The following SV2C variants were observed in gnomAD, a reference collection of about 807,000 sequenced individuals.
SV2C encodes the protein solute carrier family 22 member B3.
A neutral mutation model predicts 79.7 loss-of-function variants in SV2C; 49 were observed. That is an observed-to-expected ratio of 0.61 (90% CI 0.49 to 0.78). The LOEUF is 0.78. Ranked by LOEUF, SV2C falls within the 30% of genes least tolerant of loss-of-function variation. The pLI is 0.00. For missense variants in SV2C, 833 were observed against 912.9 expected (o/e 0.91, Z 1.13); for synonymous variants, 334 against 333.2 (o/e 1.00, Z -0.03).
chr5:76,334,369 T>A (rs1749270547), downstream of SV2C, among the ~76,000 whole-genome samples: 1 of 152,182 alleles, frequency 6.6e-6, no homozygotes, highest in South Asian at 2.1e-4. Context: ...TGCCACATAT[T>A]TGCTATCCCC....
At chr5:76,257,552 G>T (rs750772837) in intron 4 of SV2C, among the ~76,000 whole-genome samples, 6 of 150,956 alleles carry the variant, frequency 4.0e-5, no homozygotes, top group Admixed American at 6.6e-5. Context: ...TGAGTCTGTG[G>T]TTTGTGTATG....
chr5:76,064,257 G>A, the SV2C span, among the ~76,000 whole-genome samples: 1 of 152,150 alleles, frequency 6.6e-6, no homozygotes, highest in East Asian at 1.9e-4. Flanking sequence ...CAGATCTCCA[G>A]ATCCAGATTC....
At chr5:76,351,374 G>A (rs1180171740) in intron 12 of SV2C, among the ~76,000 whole-genome samples, 1 of 152,116 alleles carries the variant, frequency 6.6e-6, no homozygotes, top group African/African-American at 2.4e-5. Flanking sequence ...CTTGAGCCCA[G>A]GTGGTTGAGG....
chr5:75,887,041 T>G, the SV2C span, among the ~76,000 whole-genome samples: 2 of 152,130 alleles, frequency 1.3e-5, no homozygotes, highest in African/African-American at 4.8e-5. Flanking sequence ...GTCCTTCACT[T>G]TATTTTTTTA....
intron 12 of SV2C, among the ~76,000 whole-genome samples, chr5:76,339,547 T>C (rs1749398531): frequency 6.6e-6 from 1 of 152,014 alleles, no homozygotes; most frequent in Admixed American, 6.6e-5. Context: ...ACTCTGTCTC[T>C]ACTAAAAATA....
chr5:76,147,777 T>TA (rs1374159765), intron 2 of SV2C, among the ~76,000 whole-genome samples: 1 of 152,234 alleles, frequency 6.6e-6, no homozygotes, highest in Non-Finnish European at 1.5e-5. Context: ...TTTAGGTAAA[T>TA]AAAGCTTACC....
At chr5:76,345,481 A>G (rs901421950) in intron 12 of SV2C, among the ~76,000 whole-genome samples, 1 of 152,172 alleles carries the variant, frequency 6.6e-6, no homozygotes, top group Non-Finnish European at 1.5e-5. Context: ...AAGTTCTGAC[A>G]TTATCAGGGC....
the SV2C span, among the ~76,000 whole-genome samples, chr5:76,033,008 C>A: frequency 6.6e-6 from 1 of 152,160 alleles, no homozygotes; most frequent in East Asian, 1.9e-4. Context: ...TGATGGTGAG[C>A]ATTTTTTCAT....
intron 4 of SV2C, among the ~76,000 whole-genome samples, chr5:76,226,412 C>T (rs1332376403): frequency 6.6e-6 from 1 of 152,114 alleles, no homozygotes; most frequent in Admixed American, 6.5e-5. Flanking sequence ...TCCAGCCATA[C>T]AGATATTAAA....
intron 12 of SV2C, among the ~76,000 whole-genome samples, chr5:76,320,131 G>A (rs1220652467): frequency 2.7e-5 from 4 of 150,394 alleles, no homozygotes; most frequent in Non-Finnish European, 5.9e-5. Context: ...GGGCAACATA[G>A]CAATAGCCTC....
the SV2C span, among the ~76,000 whole-genome samples, chr5:76,009,673 C>A: frequency 3.3e-5 from 5 of 152,134 alleles, no homozygotes; most frequent in South Asian, 4.1e-4. Context: ...CAAAATGCCA[C>A]GTGTTCTCCC....
chr5:75,850,336 T>C, the SV2C span, among the ~76,000 whole-genome samples: 292 of 152,334 alleles, frequency 1.9e-3, 3 homozygotes, highest in African/African-American at 6.8e-3. Flanking sequence ...TGTTTTTCAC[T>C]TCTGAGGCAA....
chr5:76,263,866 T>G (rs1287356550), intron 4 of SV2C, among the ~76,000 whole-genome samples: 1 of 152,196 alleles, frequency 6.6e-6, no homozygotes, highest in Admixed American at 6.5e-5. Flanking sequence ...CATTTTTTCC[T>G]TCGTTTGAAC....
chr5:76,139,698 GT>G, intron 2 of SV2C, among the ~76,000 whole-genome samples: 1 of 151,968 alleles, frequency 6.6e-6, no homozygotes, highest in South Asian at 2.1e-4. Flanking sequence ...TAGATACTAG[GT>G]TTTCTTTAAA....
At chr5:76,053,705 C>T in the SV2C span, among the ~76,000 whole-genome samples, 1 of 152,074 alleles carries the variant, frequency 6.6e-6, no homozygotes, top group Non-Finnish European at 1.5e-5. Context: ...TCCTTAATAG[C>T]AGTTCTCTGT....
the SV2C span, among the ~76,000 whole-genome samples, chr5:75,951,302 G>A: frequency 3.9e-5 from 6 of 152,006 alleles, no homozygotes; most frequent in Non-Finnish European, 7.4e-5. Flanking sequence ...ACATGTCTGC[G>A]AATTTTTGGT....
intron 2 of SV2C, among the ~76,000 whole-genome samples, chr5:76,153,202 T>C (rs565187091): frequency 6.6e-6 from 1 of 152,272 alleles, no homozygotes; most frequent in African/African-American, 2.4e-5. Context: ...TTCCTAGGAG[T>C]AGCCTCTCTC....
At chr5:76,289,388 G>A (rs549988645) in intron 6 of SV2C, among the ~76,000 whole-genome samples, 38 of 152,182 alleles carry the variant, frequency 2.5e-4, no homozygotes, top group African/African-American at 8.2e-4. Context: ...CATCCTTCTA[G>A]ATCACATAGG....
the SV2C span, among the ~76,000 whole-genome samples, chr5:75,908,269 T>C: frequency 6.6e-6 from 1 of 152,248 alleles, no homozygotes; most frequent in African/African-American, 2.4e-5. Context: ...ATCATACAGA[T>C]GGAGTCACAT....
Sources: allele counts gnomAD v4.1 joint callset (sites outside exome capture counted in the v4.1 genomes callset), GRCh38; gene constraint gnomAD v4.1.1; transcripts MANE v1.5; gene names NCBI Gene and HGNC (gene_info 2026-07-23, HGNC 2026-07-21).